Variants in TAFA1 observed in about 807,000 individuals in gnomAD.
TAFA1 encodes the protein chemokine-like protein TAFA-1.
In TAFA1, 4 loss-of-function variants were observed where a neutral mutation model predicts 18.5. The ratio of observed to expected loss-of-function variants is 0.22; its 90% CI spans 0.11 to 0.49. The LOEUF (loss-of-function observed/expected upper bound fraction) is 0.49. TAFA1 is among the 20% of genes least tolerant of loss of function. The pLI is 0.98. For missense variants in TAFA1, 147 were observed against 169.0 expected, an observed-to-expected ratio of 0.87 and a Z score of 0.72; for synonymous variants, 56 against 55.2, an observed-to-expected ratio of 1.01 and a Z score of -0.06.
At chr3:68,005,153 C>T (rs1704335843) in intron 1 of TAFA1, among the ~76,000 whole-genome samples, 1 of 151,882 alleles carries the variant, frequency 6.6e-6, no homozygotes. Flanking sequence ...TGAAAAAGTC[C>T]CCAAATACAT....
chr3:68,373,493 T>C (rs1365353856), intron 2 of TAFA1, among the ~76,000 whole-genome samples: 3 of 152,192 alleles, frequency 2.0e-5, no homozygotes, highest in African/African-American at 7.2e-5. Flanking sequence ...GGGACTCAAG[T>C]TGTTCAAAGA....
At chr3:68,147,695 A>AC (rs1553645411) in intron 2 of TAFA1, among the ~76,000 whole-genome samples, 1 of 151,910 alleles carries the variant, frequency 6.6e-6, no homozygotes, top group Non-Finnish European at 1.5e-5. Context: ...AGGGCAAAAC[A>AC]TTTTTTTTGT....
intron 2 of TAFA1, among the ~76,000 whole-genome samples, chr3:68,225,789 A>G (rs983182900): frequency 4.6e-5 from 7 of 152,046 alleles, no homozygotes; most frequent in African/African-American, 1.4e-4. Flanking sequence ...AAATTGTGTA[A>G]TCTTGAGCAT....
intron 2 of TAFA1, among the ~76,000 whole-genome samples, chr3:68,053,989 G>A (rs1165742091): frequency 6.6e-6 from 1 of 152,134 alleles, no homozygotes; most frequent in Non-Finnish European, 1.5e-5. Flanking sequence ...ACAAGCATGA[G>A]CCACCATGAC....
At chr3:68,517,023 C>T (rs1268067434) in intron 3 of TAFA1, among the ~76,000 whole-genome samples, 1 of 152,182 alleles carries the variant, frequency 6.6e-6, no homozygotes, top group Non-Finnish European at 1.5e-5. Flanking sequence ...ATCCGCCCAC[C>T]TCGGCCTCCC....
chr3:68,263,120 T>C (rs1483264160), intron 2 of TAFA1, among the ~76,000 whole-genome samples: 1 of 152,104 alleles, frequency 6.6e-6, no homozygotes, highest in Admixed American at 6.6e-5. Context: ...TTTTAAGAGA[T>C]GGTGTCTTAC....
At chr3:68,483,391 A>G (rs970051741) in intron 3 of TAFA1, among the ~76,000 whole-genome samples, 1 of 152,194 alleles carries the variant, frequency 6.6e-6, no homozygotes, top group African/African-American at 2.4e-5. Context: ...TGCTTCATGG[A>G]TTATAAAACC....
intron 2 of TAFA1, among the ~76,000 whole-genome samples, chr3:68,223,313 C>T (rs1049309786): frequency 1.3e-5 from 2 of 152,154 alleles, no homozygotes; most frequent in African/African-American, 4.8e-5. Context: ...CGTTCAAAAT[C>T]GTCTTTCAAT....
intron 2 of TAFA1, among the ~76,000 whole-genome samples, chr3:68,342,711 G>A (rs2069104863): frequency 6.6e-6 from 1 of 152,116 alleles, no homozygotes; most frequent in African/African-American, 2.4e-5. Flanking sequence ...AACTTTATAT[G>A]ATCAGATATT....
intron 2 of TAFA1, among the ~76,000 whole-genome samples, chr3:68,055,287 CAT>C (rs1461996273): frequency 3.9e-5 from 6 of 152,104 alleles, no homozygotes; most frequent in Admixed American, 1.3e-4. Context: ...GGTAGATACT[CAT>C]GTGTGTGTAT....
intron 2 of TAFA1, among the ~76,000 whole-genome samples, chr3:68,077,767 G>A (rs890710798): frequency 1.3e-5 from 2 of 151,904 alleles, no homozygotes; most frequent in Non-Finnish European, 2.9e-5. Context: ...TGTTCTTTTG[G>A]CTTAGGATAG....
chr3:68,440,922 G>A (rs989771344), intron 3 of TAFA1, among the ~76,000 whole-genome samples: 2 of 152,126 alleles, frequency 1.3e-5, no homozygotes, highest in South Asian at 2.1e-4. Flanking sequence ...CCAATTTAAT[G>A]GAATCATTGT....
intron 2 of TAFA1, among the ~76,000 whole-genome samples, chr3:68,189,419 C>T (rs191984021): frequency 1.3e-5 from 2 of 151,948 alleles, no homozygotes; most frequent in Admixed American, 1.3e-4. Context: ...GCTCTGTACA[C>T]CCTGCTTAAA....
intron 2 of TAFA1, among the ~76,000 whole-genome samples, chr3:68,132,492 C>A (rs1423541952): frequency 6.6e-6 from 1 of 152,202 alleles, no homozygotes; most frequent in African/African-American, 2.4e-5. Flanking sequence ...ACACTCCCAC[C>A]AACAGAGTAA....
At chr3:68,317,342 T>A (rs749546239) in intron 2 of TAFA1, among the ~76,000 whole-genome samples, 9 of 152,162 alleles carry the variant, frequency 5.9e-5, no homozygotes, top group Non-Finnish European at 1.3e-4. Context: ...GCCACAACCA[T>A]CTTACTTAGG....
chr3:68,415,465 C>T (rs1436924865), intron 2 of TAFA1, among the ~76,000 whole-genome samples: 1 of 152,124 alleles, frequency 6.6e-6, no homozygotes, highest in Non-Finnish European at 1.5e-5. Context: ...GGAGAGTTAA[C>T]TGGCAAAATC....
chr3:68,245,463 C>T (rs1377645665), intron 2 of TAFA1, among the ~76,000 whole-genome samples: 1 of 152,176 alleles, frequency 6.6e-6, no homozygotes, highest in Non-Finnish European at 1.5e-5. Flanking sequence ...GTTACACCCT[C>T]AATTTACATA....
chr3:68,060,893 T>C (rs1214362113), intron 2 of TAFA1, among the ~76,000 whole-genome samples: 1 of 152,178 alleles, frequency 6.6e-6, no homozygotes, highest in Non-Finnish European at 1.5e-5. Context: ...AATATGGATT[T>C]GTTCAAGTCT....
At chr3:68,082,364 A>T (rs1268963249) in intron 2 of TAFA1, among the ~76,000 whole-genome samples, 2 of 152,120 alleles carry the variant, frequency 1.3e-5, no homozygotes, top group Non-Finnish European at 2.9e-5. Context: ...TAATTAATTT[A>T]TTCCTCATTT....
Sources: allele counts gnomAD v4.1 joint callset (sites outside exome capture counted in the v4.1 genomes callset), GRCh38; gene constraint gnomAD v4.1.1; transcripts MANE v1.5; gene names NCBI Gene and HGNC (gene_info 2026-07-23, HGNC 2026-07-21).